Variants in CORIN observed in about 807,000 individuals in gnomAD.
CORIN encodes atrial natriuretic peptide-converting enzyme.
CORIN carries 117 observed loss-of-function variants against 125.3 expected under a neutral mutation model. The observed-to-expected ratio is 0.93, with a 90% CI of 0.80 to 1.09. The LOEUF (loss-of-function observed/expected upper bound fraction) is 1.09, where lower values mean the gene tolerates loss of function less well. Ranked by LOEUF, CORIN falls within the 50% of genes least tolerant of loss-of-function variation. The pLI, the probability that CORIN is intolerant of heterozygous loss-of-function variation, is 0.00. For missense variants in CORIN, 1,253 were observed against 1,306.7 expected (o/e 0.96, Z 0.63); for synonymous variants, 450 against 466.4 (o/e 0.96, Z 0.45).
At chr4:47,719,733 C>T (rs201778460) in intron 5 of CORIN, among the ~76,000 whole-genome samples, 4 of 151,984 alleles carry the variant, frequency 2.6e-5, no homozygotes, top group Non-Finnish European at 5.9e-5. Context: ...CTGAAATGTG[C>T]GTGGAGAAAA....
chr4:47,713,238 G>T (rs1286483540), intron 5 of CORIN, among the ~76,000 whole-genome samples: 1 of 152,194 alleles, frequency 6.6e-6, no homozygotes, highest in Admixed American at 6.5e-5. Context: ...TATTTCTAGA[G>T]CATTGTCATC....
chr4:47,708,750 T>C (rs1481772584), intron 5 of CORIN, among the ~76,000 whole-genome samples: 1 of 152,172 alleles, frequency 6.6e-6, no homozygotes, highest in Admixed American at 6.5e-5. Flanking sequence ...CCTGGAATCT[T>C]TCTCTAGTCG....
intron 16 of CORIN, among the ~76,000 whole-genome samples, chr4:47,626,725 A>G (rs1259344971): frequency 6.6e-6 from 1 of 152,228 alleles, no homozygotes; most frequent in Non-Finnish European, 1.5e-5. Context: ...ATGAGGTGTT[A>G]GGATTATAAT....
At chr4:47,629,292 G>A (rs1309267619) in intron 16 of CORIN, among the ~76,000 whole-genome samples, 1 of 152,110 alleles carries the variant, frequency 6.6e-6, no homozygotes, top group East Asian at 1.9e-4. Context: ...CTGATGATTA[G>A]TAATGCTGAG....
chr4:47,813,001 T>C (rs940225463), intron 1 of CORIN, among the ~76,000 whole-genome samples: 1 of 152,226 alleles, frequency 6.6e-6, no homozygotes. Context: ...TGTGTACACC[T>C]GTTGACTACC....
In CORIN at chr4:47,595,656, C is replaced by T; in HGVS notation, c.*65G>A. 7.5e-7 allele frequency: 1 copy of T among 1,341,912 alleles called. No homozygotes were observed. The highest frequency in any genetic ancestry group is 1.0e-6 in the Non-Finnish European group (1 of 975,786). The allele number at this position is 1,341,912 out of a possible 1,614,324, so 83.1% of individuals were successfully genotyped here. A position where few individuals can be genotyped will look rare whatever the true frequency, so the allele number is the denominator to read the frequency against. On this transcript the variant is annotated 3_prime_UTR_variant, in exon 22 of 22. Coordinates refer to ENST00000273857, the MANE Select transcript of CORIN (RefSeq NM_006587.4). ...TCTGTACAGCTCTCTGCAGGCAGCTCTTCACAGTCAAGAAGGCCATTTTCT... is the reference window on the plus strand; with the variant it reads ...TCTGTACAGCTCTCTGCAGGCAGCTTTTCACAGTCAAGAAGGCCATTTTCT...
intron 1 of CORIN, among the ~76,000 whole-genome samples, chr4:47,810,227 G>A (rs1001412080): frequency 1.3e-5 from 2 of 151,966 alleles, no homozygotes; most frequent in South Asian, 2.1e-4. Flanking sequence ...TCACTCTGTC[G>A]CCCAGGCTGG....
intron 19 of CORIN, among the ~76,000 whole-genome samples, chr4:47,620,136 A>G (rs942803699): frequency 1.3e-5 from 2 of 152,186 alleles, no homozygotes; most frequent in Non-Finnish European, 2.9e-5. Context: ...GTGTCTCCTC[A>G]CTAGATTAGC....
At chr4:47,789,657 T>C (rs1331332393) in intron 2 of CORIN, among the ~76,000 whole-genome samples, 1 of 152,190 alleles carries the variant, frequency 6.6e-6, no homozygotes, top group African/African-American at 2.4e-5. Flanking sequence ...TACTATGCAT[T>C]TTCTTTTAAG....
chr4:47,710,316 T>C (rs1045989597), intron 5 of CORIN, among the ~76,000 whole-genome samples: 9 of 152,240 alleles, frequency 5.9e-5, no homozygotes, highest in African/African-American at 1.9e-4. Context: ...GTTTCTAAGC[T>C]TGTGGATATT....
At chr4:47,789,812 A>C (rs1730983093) in intron 2 of CORIN, among the ~76,000 whole-genome samples, 1 of 152,056 alleles carries the variant, frequency 6.6e-6, no homozygotes, top group African/African-American at 2.4e-5. Context: ...TGAGGTCAGG[A>C]AATAGAGACC....
At chr4:47,681,549 C>T (rs1325389808) in intron 7 of CORIN, 1 of 152,142 alleles carries the variant, frequency 6.6e-6, no homozygotes, top group Non-Finnish European at 1.5e-5. Flanking sequence ...CCCTGCATTT[C>T]CTAATTATCT....
At position 47,725,950 on chromosome 4, in the gene CORIN, A is replaced by G. The variant is rs1727573023; in HGVS notation, c.799+18452T>C. Among the ~76,000 whole-genome samples the G allele has an allele frequency of 2.0e-5, 3 of 152,084 alleles. No individual in the cohort carries two copies. The South Asian group carries it at 6.2e-4, about 31-fold the overall frequency. ...CCCACTCCTGCCATAAAATGAGCAA[A>G]AGATACGAACAGACACTTCATAAAG... On this transcript the variant is annotated intron_variant, in intron 5 of 21. Coordinates refer to ENST00000273857, the MANE Select transcript of CORIN (RefSeq NM_006587.4).
intron 3 of CORIN, among the ~76,000 whole-genome samples, chr4:47,775,707 G>A (rs775041281): frequency 9.2e-5 from 14 of 152,128 alleles, no homozygotes; most frequent in Non-Finnish European, 1.5e-5. Flanking sequence ...GGCACCTGTA[G>A]GGCCAACTCT....
rs140770758 is a variant in CORIN at position 47,603,524 on chromosome 4, G to A, written c.2685C>T (p.Ile895=). The A allele has an allele frequency of 2.8e-5, 45 of 1,614,164 alleles. 1 individual carries two copies. The highest frequency in any genetic ancestry group is 1.6e-4 in the Middle Eastern group (1 of 6,062). The change falls in exon 20 of 22, where the codon ATC becomes ATT. Residue 895 remains isoleucine, a synonymous_variant. Coordinates refer to ENST00000273857, the MANE Select transcript of CORIN (RefSeq NM_006587.4). The stretch of plus-strand genomic sequence containing the variant: ...CACTGATGTCTTCACTCAGCTCAAC[G>A]ATGCTGATGTCATAGTCCACCACTG... The part of the protein sequence containing the change: ...SRAVVDYDIS[I]VELSEDISET...
At chr4:47,632,738 G>GAT (rs1399842663) in intron 16 of CORIN, among the ~76,000 whole-genome samples, 2 of 111,440 alleles carry the variant, frequency 1.8e-5, no homozygotes. Flanking sequence ...TAGATAGATA[G>GAT]ATAGATAGAT....
At chr4:47,835,124 T>C (rs1033579515) in intron 1 of CORIN, among the ~76,000 whole-genome samples, 2 of 152,202 alleles carry the variant, frequency 1.3e-5, no homozygotes, top group Non-Finnish European at 2.9e-5. Context: ...TGTGTGTCTT[T>C]ATGTGAGTGT....
At chr4:47,674,982 A>T (rs1287093523) in intron 9 of CORIN, among the ~76,000 whole-genome samples, 1 of 152,174 alleles carries the variant, frequency 6.6e-6, no homozygotes, top group Non-Finnish European at 1.5e-5. Context: ...TACAATAAGG[A>T]TACTTTACCA....
intron 19 of CORIN, among the ~76,000 whole-genome samples, chr4:47,620,163 C>T (rs1269585425): frequency 6.6e-6 from 1 of 152,132 alleles, no homozygotes; most frequent in Non-Finnish European, 1.5e-5. Flanking sequence ...GAGAACAAAA[C>T]ATGTATCCAT....
Sources: allele counts gnomAD v4.1 joint callset (sites outside exome capture counted in the v4.1 genomes callset), GRCh38; gene constraint gnomAD v4.1.1; transcripts MANE v1.5; gene names NCBI Gene and HGNC (gene_info 2026-07-23, HGNC 2026-07-21).